CYP4Z1: variants seen among roughly 807,000 people sequenced by gnomAD.
CYP4Z1 encodes cytochrome P450 family 4 subfamily Z member 1.
In CYP4Z1, 41 loss-of-function variants were observed where a neutral mutation model predicts 54.2. The observed-to-expected ratio is 0.76, with a 90% CI of 0.59 to 0.98. The LOEUF is 0.98. CYP4Z1 is among the 50% of genes least tolerant of loss of function. The pLI, the probability that CYP4Z1 is intolerant of heterozygous loss-of-function variation, is 0.00. For missense variants in CYP4Z1, 513 were observed against 599.0 expected (o/e 0.86, Z 1.50); for synonymous variants, 163 against 206.2 (o/e 0.79, Z 1.79).
chr1:47,112,905 T>C (rs2148542512), intron 9 of CYP4Z1, among the ~76,000 whole-genome samples: 1 of 152,100 alleles, frequency 6.6e-6, no homozygotes, highest in Middle Eastern at 3.4e-3. Context: ...TTCCATAACA[T>C]GATAAAATAT....
chr1:47,108,110 C>T (rs1278604952), intron 9 of CYP4Z1, among the ~76,000 whole-genome samples: 1 of 152,244 alleles, frequency 6.6e-6, no homozygotes, highest in Non-Finnish European at 1.5e-5. Context: ...CCTCACTTTA[C>T]ATTCCTTTCC....
intron 8 of CYP4Z1, among the ~76,000 whole-genome samples, chr1:47,103,343 C>T (rs1366184165): frequency 7.0e-6 from 1 of 143,776 alleles, no homozygotes; most frequent in Non-Finnish European, 1.5e-5. Context: ...CCATGCCTGG[C>T]TAATTTTTTT....
chr1:47,065,163 A>G (rs182956466), upstream of CYP4Z1, among the ~76,000 whole-genome samples: 1 of 152,178 alleles, frequency 6.6e-6, no homozygotes, highest in Non-Finnish European at 1.5e-5. Context: ...GACCTAAACT[A>G]TACCCTACAA....
intron 9 of CYP4Z1, among the ~76,000 whole-genome samples, chr1:47,106,941 C>T (rs1198611177): frequency 6.6e-6 from 1 of 152,200 alleles, no homozygotes; most frequent in South Asian, 2.1e-4. Context: ...TGACCTATGT[C>T]GAGATGTGTT....
chr1:47,102,779 C>T (rs1254212131), intron 8 of CYP4Z1, among the ~76,000 whole-genome samples: 1 of 152,156 alleles, frequency 6.6e-6, no homozygotes, highest in Non-Finnish European at 1.5e-5. Flanking sequence ...TGACTTTTGA[C>T]AGTTTGACTG....
chr1:47,061,943 C>T, the CYP4Z1 span, among the ~76,000 whole-genome samples: 1 of 152,158 alleles, frequency 6.6e-6, no homozygotes, highest in Non-Finnish European at 1.5e-5. Flanking sequence ...ACTTGATTAT[C>T]TCAATAGATG....
chr1:47,060,297 A>C, the CYP4Z1 span, among the ~76,000 whole-genome samples: 1 of 152,196 alleles, frequency 6.6e-6, no homozygotes, highest in East Asian at 1.9e-4. Flanking sequence ...ACCCAATGGT[A>C]TGCTGTCTTC....
chr1:47,099,472 A>C (rs1459080003), intron 8 of CYP4Z1, among the ~76,000 whole-genome samples, 188 bp downstream of exon 8: 1 of 152,136 alleles, frequency 6.6e-6, no homozygotes, highest in Non-Finnish European at 1.5e-5. Context: ...ACACTGTGTC[A>C]ATCAGACAGT....
chr1:47,117,286 A>C (rs998236146), intron 11 of CYP4Z1, among the ~76,000 whole-genome samples: 1 of 152,114 alleles, frequency 6.6e-6, no homozygotes, highest in Non-Finnish European at 1.5e-5. Flanking sequence ...AGTTACGTGG[A>C]CCTTGCAGAA....
At chr1:47,103,409 C>T (rs1260360161) in intron 8 of CYP4Z1, among the ~76,000 whole-genome samples, 1 of 151,656 alleles carries the variant, frequency 6.6e-6, no homozygotes, top group Non-Finnish European at 1.5e-5. Context: ...AACTCCTGGC[C>T]TCAAGCCATC....
At chr1:47,103,596 T>C (rs1644736053) in intron 8 of CYP4Z1, among the ~76,000 whole-genome samples, 1 of 61,118 alleles carries the variant, frequency 1.6e-5, no homozygotes, top group Non-Finnish European at 3.0e-5. Context: ...CTTTTTTTTC[T>C]TTTTTTTTTT....
chr1:47,092,188 C>T (rs1644643042), intron 6 of CYP4Z1, among the ~76,000 whole-genome samples: 1 of 151,920 alleles, frequency 6.6e-6, no homozygotes, highest in East Asian at 1.9e-4. Flanking sequence ...GGCACTCCTT[C>T]TTAAAATGCC....
intron 2 of CYP4Z1, 116 bp downstream of exon 2, chr1:47,068,879 T>C (rs546461663): frequency 8.8e-6 from 12 of 1,358,054 alleles, no homozygotes; most frequent in Non-Finnish European, 1.2e-5. Context: ...TCATTTGATA[T>C]GTTGAAGGGA....
At chr1:47,080,195 C>A (rs1272133481) in intron 2 of CYP4Z1, among the ~76,000 whole-genome samples, 2 of 125,212 alleles carry the variant, frequency 1.6e-5, no homozygotes, top group Non-Finnish European at 3.2e-5. Context: ...TCAAACAAAT[C>A]CAACAAGGGT....
At position 47,084,493 on chromosome 1, in the gene CYP4Z1, A is replaced by G. The variant is rs138853855; in HGVS notation, c.493-127A>G. The G allele has an allele frequency of 1.0e-3, 1,377 of 1,350,538 alleles. 12 individuals are homozygous for G. In the African/African-American group the frequency reaches 0.018, roughly 18 times the overall value. The allele number at this position is 1,350,538 out of a possible 1,614,324, so 83.7% of individuals were successfully genotyped here. ...TGTTTCATTTTATATGGTTGTCATA[A>G]TAAGGCAAATTCATTTTGTACGCTT... On this transcript the variant is annotated intron_variant, in intron 4 of 11. Coordinates refer to ENST00000334194, the MANE Select transcript of CYP4Z1 (RefSeq NM_178134.3).
the CYP4Z1 span, among the ~76,000 whole-genome samples, chr1:47,057,035 C>T: frequency 2.0e-5 from 3 of 151,868 alleles, no homozygotes; most frequent in Non-Finnish European, 4.4e-5. Flanking sequence ...TACAATTTGG[C>T]ATGTTTTTGC....
upstream of CYP4Z1, among the ~76,000 whole-genome samples, chr1:47,065,780 A>C (rs1240016094): frequency 6.6e-6 from 1 of 152,174 alleles, no homozygotes; most frequent in Non-Finnish European, 1.5e-5. Flanking sequence ...ATGAACCATT[A>C]GTGAGATTAA....
intron 6 of CYP4Z1, among the ~76,000 whole-genome samples, chr1:47,087,887 G>A (rs903114135): frequency 6.6e-6 from 1 of 152,148 alleles, no homozygotes; most frequent in Non-Finnish European, 1.5e-5. Flanking sequence ...CTAATTTATT[G>A]AGAGATTTTA....
intron 6 of CYP4Z1, among the ~76,000 whole-genome samples, chr1:47,088,377 G>A (rs1205328724): frequency 6.6e-6 from 1 of 152,168 alleles, no homozygotes; most frequent in Non-Finnish European, 1.5e-5. Flanking sequence ...TTCAGAGCCT[G>A]TTATTGGTCT....
Sources: allele counts gnomAD v4.1 joint callset (sites outside exome capture counted in the v4.1 genomes callset), GRCh38; gene constraint gnomAD v4.1.1; transcripts MANE v1.5; gene names NCBI Gene and HGNC (gene_info 2026-07-23, HGNC 2026-07-21).